AFF3: variants seen among roughly 807,000 people sequenced by gnomAD.
AFF3 encodes AF4/FMR2 family member 3.
Under a neutral mutation model 129.7 loss-of-function variants are expected in AFF3, and 32 were observed. That is an observed-to-expected ratio of 0.25 (90% CI 0.19 to 0.33). The LOEUF (loss-of-function observed/expected upper bound fraction) is 0.33, where lower values mean the gene tolerates loss of function less well. Ranked by LOEUF, AFF3 falls within the 10% of genes least tolerant of loss-of-function variation. The pLI, the probability that AFF3 is intolerant of heterozygous loss-of-function variation, is 1.00. For missense variants in AFF3, 1,373 were observed against 1,592.0 expected (o/e 0.86, Z 2.34); for synonymous variants, 644 against 635.4 (o/e 1.01, Z -0.20).
chr2:99,551,177 TG>T lies in AFF3; in HGVS notation c.*296del. The stretch of plus-strand genomic sequence containing the variant: ...CGGTGTGTGTGTGTGTGTGTGTGTG[TG>T]TGTGTACTTCCTCTAGTCAGAAACC... On this transcript the variant is annotated 3_prime_UTR_variant, in exon 25 of 25. Transcript: ENST00000672756. The T allele has an allele frequency of 1.9e-6, 1 of 536,896 alleles. No individual in the cohort carries two copies. The highest frequency in any genetic ancestry group is 2.8e-5 in the East Asian group (1 of 35,896). 33.3% of individuals were successfully genotyped at this position (536,896 alleles called of 1,614,324 possible).
At chr2:99,649,184 G>A (rs1314888934) in intron 13 of AFF3, among the ~76,000 whole-genome samples, 1 of 152,200 alleles carries the variant, frequency 6.6e-6, no homozygotes, top group Non-Finnish European at 1.5e-5. Context: ...GGGACCGTGA[G>A]TTGTTGGGTT....
intron 7 of AFF3, among the ~76,000 whole-genome samples, chr2:99,851,883 A>C (rs1690171422): frequency 6.6e-6 from 1 of 152,164 alleles, no homozygotes; most frequent in Non-Finnish European, 1.5e-5. Context: ...TGTAACCTTC[A>C]ATATTAACGT....
chr2:100,004,200 G>T (rs774904621), intron 7 of AFF3, among the ~76,000 whole-genome samples: 17 of 151,978 alleles, frequency 1.1e-4, no homozygotes, highest in Non-Finnish European at 2.2e-4. Flanking sequence ...TAATAACCTT[G>T]CAGGTTATTT....
intron 8 of AFF3, among the ~76,000 whole-genome samples, chr2:99,791,140 T>G (rs1011221479): frequency 1.3e-5 from 2 of 152,218 alleles, no homozygotes; most frequent in African/African-American, 4.8e-5. Context: ...GTGATCATGT[T>G]GGCCTGGGGA....
At chr2:99,736,908 C>A (rs1680312649) in intron 10 of AFF3, among the ~76,000 whole-genome samples, 1 of 152,136 alleles carries the variant, frequency 6.6e-6, no homozygotes, top group Non-Finnish European at 1.5e-5. Flanking sequence ...CCACGCCCGG[C>A]CTTTAAATTA....
intron 11 of AFF3, among the ~76,000 whole-genome samples, chr2:99,678,637 G>C (rs1674233144): frequency 6.6e-6 from 1 of 152,186 alleles, no homozygotes; most frequent in African/African-American, 2.4e-5. Flanking sequence ...TTGATTTTCA[G>C]ATTTGTTTCT....
chr2:99,922,876 A>C (rs1695950387), intron 7 of AFF3, among the ~76,000 whole-genome samples: 1 of 152,140 alleles, frequency 6.6e-6, no homozygotes, highest in Non-Finnish European at 1.5e-5. Flanking sequence ...ACAGTAGTCT[A>C]CATCTATTTT....
chr2:99,818,152 A>G (rs1044329903), intron 8 of AFF3, among the ~76,000 whole-genome samples: 9 of 152,230 alleles, frequency 5.9e-5, no homozygotes, highest in African/African-American at 1.7e-4. Flanking sequence ...GTTTTTGAGC[A>G]CCAACATGAT....
intron 7 of AFF3, among the ~76,000 whole-genome samples, chr2:99,876,873 G>A (rs1692339220): frequency 6.6e-6 from 1 of 152,090 alleles, no homozygotes; most frequent in Admixed American, 6.5e-5. Context: ...ATTTCCTCCA[G>A]CTTTTCAGCT....
intron 4 of AFF3, among the ~76,000 whole-genome samples, chr2:100,052,346 G>A (rs1686404917): frequency 6.6e-6 from 1 of 152,176 alleles, no homozygotes; most frequent in Admixed American, 6.5e-5. Flanking sequence ...AAAGGCAGAA[G>A]TAGCTCTAGA....
At position 99,707,171 on chromosome 2, in the gene AFF3, T is replaced by A. The variant is rs954397463; in HGVS notation, c.1091+19906A>T. ...ACTAGTAAACTTGCCTGTAACAACA[T>A]CCTAAAATTCCAAAGGTTATTCTTC... On this transcript the variant is annotated intron_variant, in intron 11 of 24. Transcript: ENST00000672756. The A allele has an allele frequency of 9.1e-6, 9 of 985,318 alleles. No homozygotes were observed. In the East Asian group the frequency reaches 3.4e-4, roughly 37 times the overall value. The allele number at this position is 985,318 out of a possible 1,614,324, so 61.0% of individuals were successfully genotyped here. A position where few individuals can be genotyped will look rare whatever the true frequency, so the allele number is the denominator to read the frequency against.
chr2:99,715,061 T>G (rs2104899595), intron 11 of AFF3, among the ~76,000 whole-genome samples: 1 of 152,358 alleles, frequency 6.6e-6, no homozygotes, highest in South Asian at 2.1e-4. Flanking sequence ...TTCAGCCTCC[T>G]GCAGGACCTG....
chr2:99,947,052 A>C (rs987651136), intron 7 of AFF3, among the ~76,000 whole-genome samples: 2 of 152,178 alleles, frequency 1.3e-5, no homozygotes, highest in South Asian at 2.1e-4. Context: ...ATATTTATTC[A>C]ATATTTATTA....
chr2:99,832,194 G>A (rs1688559942), intron 8 of AFF3, among the ~76,000 whole-genome samples: 1 of 152,216 alleles, frequency 6.6e-6, no homozygotes, highest in South Asian at 2.1e-4. Flanking sequence ...CAGACTTTTA[G>A]ATGCTTGGGC....
At chr2:99,596,420 G>A (rs1679295556) in intron 14 of AFF3, among the ~76,000 whole-genome samples, 1 of 152,154 alleles carries the variant, frequency 6.6e-6, no homozygotes, top group Non-Finnish European at 1.5e-5. Context: ...AAAATCAATG[G>A]CTTCTAATTT....
intron 10 of AFF3, among the ~76,000 whole-genome samples, chr2:99,741,362 T>G (rs1445937783): frequency 6.6e-6 from 1 of 152,192 alleles, no homozygotes. Context: ...AGAGGCAACT[T>G]CAGCAAAGTC....
chr2:100,067,984 G>A (rs1687863055), intron 4 of AFF3, among the ~76,000 whole-genome samples: 1 of 152,130 alleles, frequency 6.6e-6, no homozygotes, highest in Admixed American at 6.5e-5. Flanking sequence ...AACACAAAAG[G>A]CTGAAGGGTT....
rs114985194 is a variant in AFF3 at position 99,598,493 on chromosome 2, C to T, written c.1371+2942G>A. Among the ~76,000 whole-genome samples the T allele has an allele frequency of 2.8e-3, 427 of 152,302 alleles. 1 individual carries two copies. The highest frequency in any genetic ancestry group is 9.8e-3 in the African/African-American group (406 of 41,554). On this transcript the variant is annotated intron_variant, in intron 14 of 24. Coordinates refer to ENST00000672756, the MANE Select transcript of AFF3 (RefSeq NM_001386135.1). ...GGCATTACCATACTACAGTGATTTA[C>T]GTGAAACAAATTGGCTCTCAACACA...
At chr2:99,565,137 G>A (rs1675839892) in intron 20 of AFF3, among the ~76,000 whole-genome samples, 1 of 151,892 alleles carries the variant, frequency 6.6e-6, no homozygotes, top group Non-Finnish European at 1.5e-5. Flanking sequence ...AGATTTAGAT[G>A]ATACTAACCT....
Sources: gnomAD v4.1 joint callset for allele counts (sites outside exome capture counted in the v4.1 genomes callset) on GRCh38, gnomAD v4.1.1 for gene constraint, MANE v1.5 for transcripts, NCBI Gene and HGNC (gene_info 2026-07-23, HGNC 2026-07-21) for gene names.